MARK1: variants seen among roughly 807,000 people sequenced by gnomAD.
MARK1 encodes the protein microtubule affinity regulating kinase 1, also known as serine/threonine-protein kinase MARK1.
Under a neutral mutation model 96.3 loss-of-function variants are expected in MARK1, and 40 were observed. That is an observed-to-expected ratio of 0.42 (90% confidence interval 0.32 to 0.54). The LOEUF (loss-of-function observed/expected upper bound fraction) is 0.54, where lower values mean the gene tolerates loss of function less well. Ranked by LOEUF, MARK1 falls within the 20% of genes least tolerant of loss-of-function variation. The pLI is 0.16. For synonymous variants in MARK1, 317 were observed against 341.2 expected, an observed-to-expected ratio of 0.93 and a Z score of 0.78; for missense variants, 719 against 984.6, an observed-to-expected ratio of 0.73 and a Z score of 3.61.
intron 9 of MARK1, among the ~76,000 whole-genome samples, chr1:220,628,355 A>G (rs1667465587): frequency 6.6e-6 from 1 of 152,046 alleles, no homozygotes; most frequent in Non-Finnish European, 1.5e-5. Context: ...AAGAGTATCT[A>G]CACTTAAACC....
At chr1:220,653,680 A>G (rs556221670) in intron 16 of MARK1, among the ~76,000 whole-genome samples, 23 of 152,290 alleles carry the variant, frequency 1.5e-4, no homozygotes, top group Admixed American at 1.4e-3. Context: ...ATGAGTTTAC[A>G]TGTTTCCTTC....
At chr1:220,597,495 A>C (rs1665452621) in intron 3 of MARK1, among the ~76,000 whole-genome samples, 1 of 151,874 alleles carries the variant, frequency 6.6e-6, no homozygotes, top group African/African-American at 2.4e-5. Flanking sequence ...AATAATGTTC[A>C]ACATCTTTTT....
At position 220,531,396 on chromosome 1, in the gene MARK1, C is replaced by G. The variant is rs139578474; in HGVS notation, c.51+2523C>G. Among the ~76,000 whole-genome samples the G allele has an allele frequency of 3.3e-5, 5 of 152,200 alleles. No individual in the cohort carries two copies. In the East Asian group the frequency reaches 9.6e-4, roughly 29 times the overall value. ...GTATATCAAGGACACTAACTAAAAACATTTTATTTTCCTTAGAAATTAAAA... is the reference window on the plus strand; with the variant it reads ...GTATATCAAGGACACTAACTAAAAAGATTTTATTTTCCTTAGAAATTAAAA... On this transcript the variant is annotated intron_variant, in intron 1 of 17. Transcript: ENST00000366917.
chr1:220,627,526 T>G (rs1667418809), intron 9 of MARK1: 1 of 376,748 alleles, frequency 2.7e-6, no homozygotes, highest in Non-Finnish European at 5.3e-6. Flanking sequence ...TGCTTTCTAT[T>G]TCTCTGTGTA....
intron 4 of MARK1, among the ~76,000 whole-genome samples, chr1:220,599,526 T>C (rs1216740994): frequency 6.6e-6 from 1 of 152,158 alleles, no homozygotes; most frequent in Non-Finnish European, 1.5e-5. Flanking sequence ...GTTCCTTTTA[T>C]TACCTTATTC....
At position 220,662,049 on chromosome 1, in the gene MARK1, G is replaced by A; in HGVS notation, c.2271G>A (p.Met757Ile). ...ARQDSLVQWE[M>I]EVCKLPRLSL... ...AGGATAGCCTCGTGCAGTGGGAGAT[G>A]GAAGTCTGCAAGTTGCCACGACTGT... Residue 757 changes from methionine (M) to isoleucine (I), a missense_variant, in exon 18 of 18, where the codon ATG becomes ATA. This residue lies in a region of MARK1 where 17 missense variants were observed against 49.7 expected (regional missense o/e 0.34). Coordinates refer to ENST00000366917, the MANE Select transcript of MARK1 (RefSeq NM_018650.5). 6.2e-7 allele frequency: 1 copy of A among 1,614,210 alleles called. No homozygotes were observed. Among genetic ancestry groups the A allele is most frequent in the African/African-American group, 1.3e-5 (1 of 75,054 alleles).
intron 1 of MARK1, among the ~76,000 whole-genome samples, chr1:220,536,598 C>G (rs947920487): frequency 6.6e-6 from 1 of 151,596 alleles, no homozygotes; most frequent in Non-Finnish European, 1.5e-5. Context: ...TTCTTTCACC[C>G]AAGCTGGAGT....
At chr1:220,603,309 A>G (rs957339152) in intron 5 of MARK1, among the ~76,000 whole-genome samples, 3 of 152,068 alleles carry the variant, frequency 2.0e-5, no homozygotes, top group African/African-American at 4.8e-5. Context: ...ACTTACAGAC[A>G]TGTAAAGTAA....
chr1:220,642,502 C>T (rs1330395097), intron 13 of MARK1, among the ~76,000 whole-genome samples: 1 of 152,186 alleles, frequency 6.6e-6, no homozygotes, highest in Non-Finnish European at 1.5e-5. Context: ...AGACAGAGCA[C>T]CTGGGGGGAG....
intron 1 of MARK1, among the ~76,000 whole-genome samples, chr1:220,546,129 C>T (rs1449094032): frequency 6.6e-6 from 1 of 152,160 alleles, no homozygotes; most frequent in Non-Finnish European, 1.5e-5. Flanking sequence ...TCACTCTGCT[C>T]CTTGCCTGTA....
intron 1 of MARK1, among the ~76,000 whole-genome samples, chr1:220,542,309 T>A (rs1661200599): frequency 6.6e-6 from 1 of 152,244 alleles, no homozygotes; most frequent in Admixed American, 6.5e-5. Context: ...GGTAATTCCA[T>A]TATCTGAAGT....
At chr1:220,591,443 A>T (rs2589593) in intron 3 of MARK1, among the ~76,000 whole-genome samples, 142,950 of 152,234 alleles carry the variant, frequency 0.94, 67,826 homozygotes, top group East Asian at 1. Context: ...TCTTCAGTAT[A>T]CTGTAATTTG....
At chr1:220,573,997 A>G (rs558789452) in intron 1 of MARK1, among the ~76,000 whole-genome samples, 1 of 152,266 alleles carries the variant, frequency 6.6e-6, no homozygotes, top group African/African-American at 2.4e-5. Context: ...TGTATTTATA[A>G]TATCTGCTTT....
At chr1:220,597,506 G>A (rs1665454064) in intron 3 of MARK1, among the ~76,000 whole-genome samples, 1 of 151,984 alleles carries the variant, frequency 6.6e-6, no homozygotes, top group Non-Finnish European at 1.5e-5. Flanking sequence ...ACATCTTTTT[G>A]TGTTCTTTTG....
In MARK1 at chr1:220,657,824, G is replaced by T; in HGVS notation, c.2023G>T (p.Asp675Tyr). 1 of 1,570,466 alleles carries T rather than the reference G, an allele frequency of 6.4e-7. No individual in the cohort carries two copies. The highest frequency in any genetic ancestry group is 1.2e-5 in the South Asian group (1 of 81,828). Residue 675 changes from aspartate to tyrosine, a missense_variant, in exon 17 of 18, where the codon GAC (aspartate) becomes TAC (tyrosine). Physicochemically the swap from Asp to Tyr is radical, Grantham distance 160. Coordinates refer to ENST00000366917, the MANE Select transcript of MARK1 (RefSeq NM_018650.5). ...TGAAGGCGAAGCCAGTGGCAGAACCGACACCTCAAGGTGAGGAGCCACTAT... is the reference window on the plus strand; with the variant it reads ...TGAAGGCGAAGCCAGTGGCAGAACCTACACCTCAAGGTGAGGAGCCACTAT... ...PSEGEASGRT[D>Y]TSRSTSGEPK...
At chr1:220,647,929 T>C (rs1034567448) in intron 13 of MARK1, among the ~76,000 whole-genome samples, 4 of 151,782 alleles carry the variant, frequency 2.6e-5, no homozygotes, top group African/African-American at 9.7e-5. Flanking sequence ...TTAGGAAAAA[T>C]AGCTATTGCA....
chr1:220,647,244 A>T (rs1428259091), intron 13 of MARK1, among the ~76,000 whole-genome samples: 1 of 152,218 alleles, frequency 6.6e-6, no homozygotes, highest in East Asian at 1.9e-4. Context: ...GGCAAAGGAC[A>T]TAAACAGACA....
intron 3 of MARK1, 87 bp from the exon 4 acceptor site, chr1:220,598,244 T>A: frequency 2.1e-6 from 1 of 472,112 alleles, no homozygotes; most frequent in Non-Finnish European, 4.2e-6. Context: ...TGTAAGCAGA[T>A]TAATTTCTTC....
intron 1 of MARK1, among the ~76,000 whole-genome samples, chr1:220,571,267 C>T (rs956611331): frequency 2.0e-5 from 3 of 151,932 alleles, no homozygotes; most frequent in East Asian, 1.9e-4. Context: ...ATGTAAAAGA[C>T]GTAGTGCGTG....
Sources: gnomAD v4.1 joint callset for allele counts (sites outside exome capture counted in the v4.1 genomes callset) on GRCh38, gnomAD v4.1.1 for gene constraint, gnomAD v4.1.1 regional missense constraint, MANE v1.5 for transcripts, NCBI Gene and HGNC (gene_info 2026-07-23, HGNC 2026-07-21) for gene names.